The following MACF1 variants were observed in gnomAD, a reference collection of about 807,000 sequenced individuals.
MACF1 encodes the protein microtubule actin crosslinking factor 1, also known as microtubule-actin cross-linking factor 1.
MACF1 carries 193 observed loss-of-function variants against 854.8 expected under a neutral mutation model. The ratio of observed to expected loss-of-function variants is 0.23; its 90% CI spans 0.20 to 0.25. MACF1 has a LOEUF of 0.25. Among genes scored for constraint, MACF1 ranks in the 10% least tolerant of loss-of-function variants. The probability of loss-of-function intolerance (pLI) is 1.00; values close to 1 mark genes in which losing one functional copy is unlikely to be tolerated. For synonymous variants in MACF1, 3,185 were observed against 3,226.7 expected (o/e 0.99, Z 0.44); for missense variants, 7,722 against 8,929.1 (o/e 0.86, Z 5.45).
At chr1:39,431,838 G>T (rs1230407255) in intron 66 of MACF1, among the ~76,000 whole-genome samples, 1 of 152,100 alleles carries the variant, frequency 6.6e-6, no homozygotes, top group East Asian at 1.9e-4. Flanking sequence ...GCCGATCATG[G>T]TGGCAATTGC....
chr1:39,427,514 C>T lies in MACF1; in HGVS notation c.16376C>T (p.Pro5459Leu). The change falls in exon 62 of 101, where the codon CCT (proline) becomes CTT (leucine). Residue 5459 changes from proline (P) to leucine (L), a missense_variant. This residue lies in a region of MACF1 where 2,807 missense variants were observed against 3,235.8 expected (regional missense o/e 0.87). Transcript: ENST00000564288. The part of the protein sequence containing the change: ...LAKQFHETAE[P>L]ISDFLSVTEK... ...AAACAGTTCCATGAGACAGCTGAGC[C>T]TATTTCTGACTTCTTATCTGTCACA... 6.2e-7 allele frequency: 1 copy of T among 1,614,088 alleles called. No individual in the cohort carries two copies. The highest frequency in any genetic ancestry group is 8.5e-7 in the Non-Finnish European group (1 of 1,179,990).
intron 40 of MACF1, among the ~76,000 whole-genome samples, chr1:39,345,029 CT>C (rs370115759): frequency 5.0e-4 from 76 of 152,256 alleles, no homozygotes; most frequent in Middle Eastern, 6.8e-3. Flanking sequence ...GCCTAACTAC[CT>C]ACTGTAACAT....
At chr1:39,146,459 A>G (rs1643466200) in intron 2 of MACF1, among the ~76,000 whole-genome samples, 1 of 151,974 alleles carries the variant, frequency 6.6e-6, no homozygotes, top group Non-Finnish European at 1.5e-5. Flanking sequence ...CAAAAAAAAA[A>G]AAAAAGAAAG....
chr1:39,112,616 G>A (rs967222855), intron 2 of MACF1, among the ~76,000 whole-genome samples: 3 of 152,052 alleles, frequency 2.0e-5, no homozygotes, highest in African/African-American at 7.2e-5. Context: ...AGACAGAGGA[G>A]GCTGCATTAA....
chr1:39,285,328 A>G lies in MACF1; in HGVS notation c.1291A>G (p.Ile431Val). 1 of 1,614,166 alleles carries G rather than the reference A, an allele frequency of 6.2e-7. No individual in the cohort carries two copies. Among genetic ancestry groups the G allele is most frequent in the African/African-American group, 1.3e-5 (1 of 75,028 alleles). ...LELLLQIANK[I>V]QNGALNCEEK... is the part of the protein sequence containing the mutation. Reference sequence around the variant, plus strand: ...ATTGCTGCTACAGATTGCAAACAAAATCCAGAATGGTGCTTTGAACTGTGA... The same window carrying G: ...ATTGCTGCTACAGATTGCAAACAAAGTCCAGAATGGTGCTTTGAACTGTGA... Residue 431 changes from isoleucine (I) to valine (V), a missense_variant, in exon 13 of 101, where the codon ATC becomes GTC. This residue lies in a region of MACF1 where 1,137 missense variants were observed against 1,263.0 expected (regional missense o/e 0.90). Transcript: ENST00000564288.
chr1:39,233,284 TAA>T (rs1316076574), intron 2 of MACF1, among the ~76,000 whole-genome samples: 1 of 152,222 alleles, frequency 6.6e-6, no homozygotes. Flanking sequence ...TCCACCCACC[TAA>T]GTCTCCCAAA....
chr1:39,414,505 G>T (rs750855700), intron 58 of MACF1: 1 of 1,612,782 alleles, frequency 6.2e-7, no homozygotes, highest in Admixed American at 1.7e-5. Flanking sequence ...TTCTGGGAAG[G>T]GTCTAAAGAG....
At chr1:39,233,775 C>CTTTTTTTTTT (rs11286953) in intron 2 of MACF1, among the ~76,000 whole-genome samples, 114 of 36,504 alleles carry the variant, frequency 3.1e-3, no homozygotes, top group African/African-American at 6.4e-3. Flanking sequence ...CTAGCCATAG[C>CTTTTTTTTTT]TTTTTTTTTT....
At chr1:39,216,689 T>TTA (rs5773655) in intron 1 of MACF1, among the ~76,000 whole-genome samples, 2 of 151,622 alleles carry the variant, frequency 1.3e-5, no homozygotes, top group Admixed American at 6.6e-5. Flanking sequence ...TTTTTTTTTT[T>TTA]ATCTTTCCTG....
chr1:39,331,553 C>T lies in MACF1; in HGVS notation c.4965C>T (p.His1655=), dbSNP rs1159950753. ...ETVGLKILEA[H]LATGGFSLSP... is the part of the protein sequence containing the mutation. ...TTGGACTGAAAATCTTAGAAGCTCA[C>T]CTGGCAACTGGAGGTTTCAGTCTTT... is the stretch of plus-strand genomic sequence containing the variant. The change falls in exon 37 of 101, where the codon CAC becomes CAT. Residue 1655 remains histidine (H), a synonymous_variant. Coordinates refer to ENST00000564288, the MANE Select transcript of MACF1 (RefSeq NM_001394062.1). The T allele has an allele frequency of 3.1e-6, 5 of 1,614,026 alleles. No individual in the cohort carries two copies. The Admixed American group carries it at 8.3e-5, about 27-fold the overall frequency.
intron 2 of MACF1, among the ~76,000 whole-genome samples, chr1:39,244,581 AT>A (rs35814123): frequency 2.2e-3 from 306 of 138,870 alleles, no homozygotes; most frequent in Middle Eastern, 3.8e-3. Flanking sequence ...GCACCCAGCC[AT>A]TTTTTTTTTT....
intron 6 of MACF1, chr1:39,268,994 A>C (rs1645270670): frequency 1.6e-6 from 2 of 1,287,324 alleles, no homozygotes; most frequent in Non-Finnish European, 2.0e-6. Context: ...ACTCACGGGT[A>C]GTCGATCGGG....
chr1:39,096,952 C>T lies in MACF1; in HGVS notation c.220+12514C>T, dbSNP rs1232689130. On this transcript the variant is annotated intron_variant, in intron 2 of 93. Transcript: ENST00000361689. ...AGTGCAGTGGTGTGATCTCGGCTCA[C>T]TGCAACCTCTGCCTCCCAGGTTCAA... is the stretch of plus-strand genomic sequence containing the variant. Among the ~76,000 whole-genome samples, 5 of 147,770 alleles carry T rather than the reference C, an allele frequency of 3.4e-5. No homozygotes were observed. In the Admixed American group the frequency reaches 3.4e-4, roughly 10 times the overall value.
intron 2 of MACF1, among the ~76,000 whole-genome samples, chr1:39,102,439 G>C (rs770421359): frequency 5.9e-5 from 9 of 151,688 alleles, no homozygotes; most frequent in South Asian, 2.1e-4. Flanking sequence ...GGAGGCGGGG[G>C]GGGGGTCAAG....
chr1:39,131,469 A>G (rs1214676588), intron 2 of MACF1, among the ~76,000 whole-genome samples: 1 of 151,784 alleles, frequency 6.6e-6, no homozygotes, highest in African/African-American at 2.4e-5. Context: ...CACCTTGTCC[A>G]GCACCTGTTT....
At chr1:39,110,787 G>A (rs1354692910) in intron 2 of MACF1, among the ~76,000 whole-genome samples, 8 of 152,180 alleles carry the variant, frequency 5.3e-5, no homozygotes, top group Non-Finnish European at 1.0e-4. Flanking sequence ...GGCAAATGAC[G>A]TAATACAAAC....
chr1:39,177,434 C>A (rs912765831), intron 2 of MACF1, among the ~76,000 whole-genome samples: 2 of 152,098 alleles, frequency 1.3e-5, no homozygotes, highest in African/African-American at 4.8e-5. Flanking sequence ...ACTACTGTTT[C>A]TATAGAAGGA....
At chr1:39,119,240 C>G (rs1642625788) in intron 2 of MACF1, among the ~76,000 whole-genome samples, 1 of 150,714 alleles carries the variant, frequency 6.6e-6, no homozygotes, top group Admixed American at 6.6e-5. Context: ...TCGCTTGAAC[C>G]CGGGAGGCGG....
At chr1:39,431,830 C>T (rs1245973888) in intron 66 of MACF1, among the ~76,000 whole-genome samples, 3 of 151,958 alleles carry the variant, frequency 2.0e-5, no homozygotes, top group Non-Finnish European at 2.9e-5. Context: ...AAAAATTAGC[C>T]GATCATGGTG....
Sources: allele counts gnomAD v4.1 joint callset (sites outside exome capture counted in the v4.1 genomes callset), GRCh38; gene constraint gnomAD v4.1.1; regional missense constraint gnomAD v4.1.1; transcripts MANE v1.5; gene names NCBI Gene and HGNC (gene_info 2026-07-23, HGNC 2026-07-21).